Variants in CELF4 observed in about 807,000 individuals in gnomAD.
CELF4 encodes the protein CUGBP Elav-like family member 4, also known as CUG-BP- and ETR-3-like factor 4.
In CELF4, 18 loss-of-function variants were observed where a neutral mutation model predicts 59.9. That is an observed-to-expected ratio of 0.30 (90% CI 0.21 to 0.45). The LOEUF is 0.45. Ranked by LOEUF, CELF4 falls within the 20% of genes least tolerant of loss-of-function variation. CELF4 has a pLI of 1.00. For missense variants in CELF4, 456 were observed against 689.0 expected (o/e 0.66, Z 3.79); for synonymous variants, 261 against 267.1 (o/e 0.98, Z 0.22).
rs541547099 is a variant in CELF4, at chr18:37,265,297, G to A, written c.1166-540C>T. On this transcript the variant is annotated intron_variant, in intron 9 of 12. Coordinates refer to ENST00000420428, the MANE Select transcript of CELF4 (RefSeq NM_020180.4). ...ACATTACATGCACACATGCACGTGT[G>A]TGTGTGTATGTTTTGGGGGAGGCAA... 2.6e-5 allele frequency among the ~76,000 whole-genome samples: 4 copies of A among 152,304 alleles called. No individual in the cohort carries two copies. In the South Asian group the frequency reaches 8.3e-4, roughly 32 times the overall value.
intron 2 of CELF4, among the ~76,000 whole-genome samples, chr18:37,472,903 G>C (rs2099837827): frequency 6.6e-6 from 1 of 152,202 alleles, no homozygotes; most frequent in African/African-American, 2.4e-5. Context: ...TGATGGTTAA[G>C]CTAGTAAAAC....
At chr18:37,334,839 G>A (rs1464974060) in intron 2 of CELF4, among the ~76,000 whole-genome samples, 1 of 152,104 alleles carries the variant, frequency 6.6e-6, no homozygotes, top group Non-Finnish European at 1.5e-5. Context: ...CCCACACCAA[G>A]TAAATGACAA....
At chr18:37,347,668 T>C (rs2154551981) in intron 2 of CELF4, among the ~76,000 whole-genome samples, 1 of 152,194 alleles carries the variant, frequency 6.6e-6, no homozygotes, top group South Asian at 2.1e-4. Context: ...GCCCCAAACC[T>C]GCCCCTGGGC....
chr18:37,362,306 G>A (rs1250673394), intron 2 of CELF4, among the ~76,000 whole-genome samples: 2 of 152,136 alleles, frequency 1.3e-5, no homozygotes, highest in African/African-American at 2.4e-5. Flanking sequence ...CTTACCAAAT[G>A]GCATTTAAAT....
At position 37,534,110 on chromosome 18, in the gene CELF4, T is replaced by G. The variant is rs185921863; in HGVS notation, c.286+31246A>C. Among the ~76,000 whole-genome samples, 322 of 152,336 alleles carry G rather than the reference T, an allele frequency of 2.1e-3. 1 individual carries two copies. The highest frequency in any genetic ancestry group is 7.1e-3 in the African/African-American group (294 of 41,576). ...CTCCTGGGTATTGGCAATATTTGCC[T>G]TATGGCATCAGAGCGGCGTTTCCCG... is the stretch of plus-strand genomic sequence containing the variant. On this transcript the variant is annotated intron_variant, in intron 1 of 12. Coordinates refer to ENST00000420428, the MANE Select transcript of CELF4 (RefSeq NM_020180.4).
intron 1 of CELF4, among the ~76,000 whole-genome samples, chr18:37,537,904 C>G (rs1201945896): frequency 1.3e-5 from 2 of 152,250 alleles, no homozygotes; most frequent in Non-Finnish European, 2.9e-5. Context: ...GACGTGACTC[C>G]CCGACCTGGT....
chr18:37,336,904 C>T (rs149595411), intron 2 of CELF4, among the ~76,000 whole-genome samples: 2 of 152,268 alleles, frequency 1.3e-5, no homozygotes, highest in Non-Finnish European at 2.9e-5. Flanking sequence ...CAACCCCCGG[C>T]GGGGCTGCCG....
At chr18:37,474,895 T>G (rs1210609926) in intron 2 of CELF4, among the ~76,000 whole-genome samples, 1 of 152,210 alleles carries the variant, frequency 6.6e-6, no homozygotes, top group African/African-American at 2.4e-5. Context: ...GGGCTTCCTT[T>G]GACTGTGGAG....
intron 2 of CELF4, among the ~76,000 whole-genome samples, chr18:37,444,059 T>C (rs1444838809): frequency 6.6e-6 from 1 of 152,142 alleles, no homozygotes; most frequent in Non-Finnish European, 1.5e-5. Flanking sequence ...TACTAACTTC[T>C]CCCTGCCTCA....
At chr18:37,496,320 C>G (rs1423787200) in intron 1 of CELF4, among the ~76,000 whole-genome samples, 4 of 152,198 alleles carry the variant, frequency 2.6e-5, no homozygotes. Flanking sequence ...CCTTACCAAG[C>G]CCCAGGATGG....
chr18:37,540,788 G>T (rs2099977271), intron 1 of CELF4, among the ~76,000 whole-genome samples: 2 of 152,252 alleles, frequency 1.3e-5, no homozygotes, highest in Admixed American at 1.3e-4. Context: ...AGGGATTTAG[G>T]TGGGAGCATG....
Position 37,244,769 on chromosome 18 carries a change from C to A in CELF4, c.*473G>T, listed in dbSNP as rs1208615461. ...TAAAGGAATGACAGATAGAGATGCT[C>A]AGTGGCGGCCTCTCAGCCGCCCCTT... On this transcript the variant is annotated 3_prime_UTR_variant, in exon 13 of 13. Coordinates refer to ENST00000420428, the MANE Select transcript of CELF4 (RefSeq NM_020180.4). The A allele has an allele frequency of 6.6e-6, 1 of 152,538 alleles. No individual in the cohort carries two copies. Among genetic ancestry groups the A allele is most frequent in the Non-Finnish European group, 1.5e-5 (1 of 68,018 alleles). 9.4% of individuals were successfully genotyped at this position (152,538 alleles called of 1,614,324 possible).
chr18:37,499,402 G>A (rs2099928872), intron 1 of CELF4, among the ~76,000 whole-genome samples: 1 of 152,194 alleles, frequency 6.6e-6, no homozygotes, highest in Non-Finnish European at 1.5e-5. Flanking sequence ...AGAGAGGAAA[G>A]TTGGGGCGTT....
intron 1 of CELF4, among the ~76,000 whole-genome samples, chr18:37,486,389 G>A (rs1037408733): frequency 1.4e-5 from 2 of 145,448 alleles, no homozygotes; most frequent in African/African-American, 2.5e-5. Flanking sequence ...ATTCTAACTG[G>A]GCCACACCCC....
intron 2 of CELF4, among the ~76,000 whole-genome samples, chr18:37,331,869 G>A (rs2097554749): frequency 6.6e-6 from 1 of 152,278 alleles, no homozygotes; most frequent in South Asian, 2.1e-4. Context: ...GCAGGTGGAG[G>A]TGGGGAGGAT....
At chr18:37,307,292 G>A (rs1328946309) in intron 3 of CELF4, among the ~76,000 whole-genome samples, 2 of 152,134 alleles carry the variant, frequency 1.3e-5, no homozygotes, top group African/African-American at 2.4e-5. Flanking sequence ...CACAGTCGTG[G>A]GGCAATCAGC....
chr18:37,517,592 C>T (rs1023357362), intron 1 of CELF4, among the ~76,000 whole-genome samples: 1 of 152,188 alleles, frequency 6.6e-6, no homozygotes, highest in African/African-American at 2.4e-5. Flanking sequence ...CAGTTGGTCG[C>T]CCCGTGTCTA....
chr18:37,408,929 G>C (rs977983884), intron 2 of CELF4, among the ~76,000 whole-genome samples: 3 of 152,142 alleles, frequency 2.0e-5, no homozygotes, highest in African/African-American at 4.8e-5. Context: ...TCCTGCATGG[G>C]TCCCTTTCCA....
intron 11 of CELF4, among the ~76,000 whole-genome samples, chr18:37,255,580 G>A (rs114553578): frequency 2.4e-3 from 367 of 151,122 alleles, no homozygotes; most frequent in African/African-American, 8.1e-3. Flanking sequence ...AGCCCCTCCT[G>A]GCCCGTCCCC....
Sources: gnomAD v4.1 joint callset for allele counts (sites outside exome capture counted in the v4.1 genomes callset) on GRCh38, gnomAD v4.1.1 for gene constraint, MANE v1.5 for transcripts, NCBI Gene and HGNC (gene_info 2026-07-23, HGNC 2026-07-21) for gene names.